Variants in FBLN1 observed in about 807,000 individuals in gnomAD.
The protein encoded by FBLN1 is fibulin 1.
A neutral mutation model predicts 89.7 loss-of-function variants in FBLN1; 34 were observed. The ratio of observed to expected loss-of-function variants is 0.38; its 90% CI spans 0.29 to 0.50. The LOEUF (loss-of-function observed/expected upper bound fraction) is 0.50. FBLN1 is among the 20% of genes least tolerant of loss of function. FBLN1 has a pLI of 0.92. For synonymous variants in FBLN1, 393 were observed against 391.3 expected (o/e 1.00, Z -0.05); for missense variants, 777 against 988.1 (o/e 0.79, Z 2.86).
rs368018969 is a variant in FBLN1, at chr22:45,525,626, G to T, written c.269G>T (p.Arg90Leu). ...ATCAGCCTGGCCAACGAGCAGGACC[G>T]CTGTGCCACGCCCCACGGTGACAAC... Reference protein sequence around the residue: ...TGISLANEQDRCATPHGDNAS... With the variant: ...TGISLANEQDLCATPHGDNAS... The change falls in exon 3 of 17, where the codon CGC (arginine) becomes CTC (leucine). Residue 90 changes from arginine to leucine, a missense_variant. Arg to Leu is a moderately radical substitution (Grantham distance 102). Transcript: ENST00000327858. 7 of 1,551,068 alleles carry T rather than the reference G, an allele frequency of 4.5e-6. No individual in the cohort carries two copies. The highest frequency in any genetic ancestry group is 1.4e-5 in the African/African-American group (1 of 73,068).
chr22:45,573,398 G>A (rs1028868454), intron 14 of FBLN1, among the ~76,000 whole-genome samples: 7 of 151,270 alleles, frequency 4.6e-5, no homozygotes, highest in African/African-American at 7.3e-5. Context: ...CAAGTAGGCC[G>A]GGCTCGGTGG....
At chr22:45,586,324 CAGG>C (rs1253676575) in intron 16 of FBLN1, among the ~76,000 whole-genome samples, 2 of 152,256 alleles carry the variant, frequency 1.3e-5, no homozygotes, top group African/African-American at 2.4e-5. Flanking sequence ...GCCGCCTCTG[CAGG>C]AGGAGACAGC....
chr22:45,568,259 G>A (rs949803329), intron 14 of FBLN1, among the ~76,000 whole-genome samples: 1 of 152,240 alleles, frequency 6.6e-6, no homozygotes, highest in Admixed American at 6.5e-5. Flanking sequence ...CCATGGATGA[G>A]TTTCTATAAC....
intron 14 of FBLN1, chr22:45,564,846 T>C (rs756795528): frequency 1.9e-6 from 3 of 1,612,608 alleles, no homozygotes; most frequent in South Asian, 1.1e-5. Context: ...GTCACTAGCA[T>C]TTCTGTGGCT....
intron 1 of FBLN1, among the ~76,000 whole-genome samples, chr22:45,515,427 A>G (rs1286512208): frequency 6.6e-6 from 1 of 152,164 alleles, no homozygotes; most frequent in African/African-American, 2.4e-5. Context: ...TTTCCGGAAG[A>G]CCAAAGGACT....
At position 45,588,141 on chromosome 22, in the gene FBLN1, G is replaced by A. The variant is rs2089104363; in HGVS notation, c.1972+11033G>A. ...CTGTGCAGAGCAGGGGAGGGGAGTG[G>A]GAGGCGGGGTGCAGCATGGCGGTAC... On this transcript the variant is annotated intron_variant, in intron 16 of 16. Coordinates refer to ENST00000327858, the MANE Select transcript of FBLN1 (RefSeq NM_006486.3). This position sits in a 1 kb window ranked among gnomAD's most constrained non-coding sequence, Gnocchi z 5.1. Among the ~76,000 whole-genome samples, 1 of 152,192 alleles carries A rather than the reference G, an allele frequency of 6.6e-6. No individual in the cohort carries two copies. Among genetic ancestry groups the A allele is most frequent in the Non-Finnish European group, 1.5e-5 (1 of 68,044 alleles).
At chr22:45,522,694 C>T (rs1392521835) in intron 2 of FBLN1, among the ~76,000 whole-genome samples, 1 of 152,248 alleles carries the variant, frequency 6.6e-6, no homozygotes, top group Non-Finnish European at 1.5e-5. Flanking sequence ...CAAGGCCCGA[C>T]ATTCCTTGGG....
At chr22:45,560,435 T>A (rs986991049) in intron 14 of FBLN1, among the ~76,000 whole-genome samples, 3 of 152,200 alleles carry the variant, frequency 2.0e-5, no homozygotes, top group African/African-American at 7.2e-5. Flanking sequence ...CACTCCACCA[T>A]CCCAATCTCC....
At chr22:45,519,342 C>G (rs1056252682) in intron 2 of FBLN1, among the ~76,000 whole-genome samples, 1 of 152,042 alleles carries the variant, frequency 6.6e-6, no homozygotes, top group Non-Finnish European at 1.5e-5. Flanking sequence ...AATGAGAAGC[C>G]GGGCGCGGTG....
intron 14 of FBLN1, among the ~76,000 whole-genome samples, chr22:45,553,375 G>A (rs1373520334): frequency 6.6e-6 from 1 of 152,158 alleles, no homozygotes; most frequent in African/African-American, 2.4e-5. Flanking sequence ...GGAAACCAGG[G>A]CCTGCGTGGC....
intron 8 of FBLN1, among the ~76,000 whole-genome samples, chr22:45,538,364 T>C (rs1191242345): frequency 6.6e-6 from 1 of 152,256 alleles, no homozygotes; most frequent in African/African-American, 2.4e-5. Context: ...AAAACCTAAG[T>C]GTAGGAAGTA....
At chr22:45,571,083 T>C (rs1179185269) in intron 14 of FBLN1, among the ~76,000 whole-genome samples, 14 of 121,914 alleles carry the variant, frequency 1.1e-4, no homozygotes, top group Non-Finnish European at 1.6e-4. Flanking sequence ...ATCATGCCAC[T>C]GCATTCCAGC....
chr22:45,535,701 T>C, intron 8 of FBLN1: 1 of 248,804 alleles, frequency 4.0e-6, no homozygotes. Flanking sequence ...GTTTTGGAGT[T>C]AGAGTGACCC....
Position 45,578,246 on chromosome 22 carries a change from C to G in FBLN1, c.1972+1138C>G, listed in dbSNP as rs1020986960. On this transcript the variant is annotated intron_variant, in intron 16 of 16. Transcript: ENST00000327858. This position sits in a 1 kb window ranked among gnomAD's most constrained non-coding sequence, Gnocchi z 4.6. ...GCCTCAAACCCGACGGTTGTTAAAA[C>G]TGGCAGCTGGAGAAAGGGAATCGTT... The G allele has an allele frequency of 6.6e-6, 1 of 152,374 alleles. No homozygotes were observed. The highest frequency in any genetic ancestry group is 1.5e-5 in the Non-Finnish European group (1 of 68,050). 9.4% of individuals were successfully genotyped at this position (152,374 alleles called of 1,614,324 possible). A position where few individuals can be genotyped will look rare whatever the true frequency, so the allele number is the denominator to read the frequency against.
intron 2 of FBLN1, 102 bp downstream of exon 2, chr22:45,518,889 A>T (rs1198064533): frequency 3.7e-6 from 4 of 1,076,264 alleles, no homozygotes; most frequent in Non-Finnish European, 2.8e-6. Flanking sequence ...GAGAGGCTGG[A>T]CACCCAGGCC....
intron 1 of FBLN1, among the ~76,000 whole-genome samples, chr22:45,504,753 G>T (rs1442177843): frequency 6.6e-6 from 1 of 152,184 alleles, no homozygotes; most frequent in African/African-American, 2.4e-5. Flanking sequence ...GGACTTGCGG[G>T]CCCAGTGTGG....
In FBLN1 at chr22:45,563,549, G is replaced by A. The variant is rs1415603312; in HGVS notation, c.1698-10962G>A. Among the ~76,000 whole-genome samples the A allele has an allele frequency of 6.6e-6, 1 of 152,226 alleles. No individual in the cohort carries two copies. The highest frequency in any genetic ancestry group is 1.9e-4 in the East Asian group (1 of 5,188). On this transcript the variant is annotated intron_variant, in intron 14 of 16. Coordinates refer to ENST00000327858, the MANE Select transcript of FBLN1 (RefSeq NM_006486.3). This position sits in a 1 kb window ranked among gnomAD's most constrained non-coding sequence, Gnocchi z 5.7. Reference sequence around the variant, plus strand: ...ACTGTCTGTGCCGACAGGGAGGCCAGGCCGGGTACATCATTTCACATGTGT... The same window carrying A: ...ACTGTCTGTGCCGACAGGGAGGCCAAGCCGGGTACATCATTTCACATGTGT...
intron 1 of FBLN1, among the ~76,000 whole-genome samples, chr22:45,512,659 C>G (rs1223822435): frequency 6.6e-6 from 1 of 152,246 alleles, no homozygotes; most frequent in Non-Finnish European, 1.5e-5. Context: ...GCGGGAGGCA[C>G]AGCCAGGGTG....
intron 16 of FBLN1, among the ~76,000 whole-genome samples, chr22:45,582,282 C>T (rs929895975): frequency 1.4e-4 from 21 of 152,190 alleles, no homozygotes; most frequent in African/African-American, 4.8e-4. Flanking sequence ...GAGTCCCAGC[C>T]GTAGAGGATA....
Sources: gnomAD v4.1 joint callset for allele counts (sites outside exome capture counted in the v4.1 genomes callset) on GRCh38, gnomAD v4.1.1 for gene constraint, Gnocchi (gnomAD v3.1) non-coding constraint, MANE v1.5 for transcripts, NCBI Gene and HGNC (gene_info 2026-07-23, HGNC 2026-07-21) for gene names.